The following LRP1B variants were observed in gnomAD, a reference collection of about 807,000 sequenced individuals.
LRP1B encodes the protein LDL receptor related protein 1B.
A neutral mutation model predicts 556.6 loss-of-function variants in LRP1B; 217 were observed. The observed-to-expected ratio is 0.39, with a 90% confidence interval of 0.35 to 0.44. LRP1B has a LOEUF of 0.44. Ranked by LOEUF, LRP1B falls within the 20% of genes least tolerant of loss-of-function variation. The pLI is 1.00. For synonymous variants in LRP1B, 2,047 were observed against 1,865.8 expected (o/e 1.10, Z -2.50); for missense variants, 5,053 against 5,620.8 (o/e 0.90, Z 3.23).
At chr2:140,556,822 C>T (rs921986255) in intron 43 of LRP1B, among the ~76,000 whole-genome samples, 1 of 151,688 alleles carries the variant, frequency 6.6e-6, no homozygotes, top group African/African-American at 2.4e-5. Context: ...GTTTACTTTA[C>T]TATAGAATTA....
At chr2:141,483,412 A>G (rs200342019) in intron 2 of LRP1B, among the ~76,000 whole-genome samples, 24,378 of 82,670 alleles carry the variant, frequency 0.29, 4,477 homozygotes, top group Non-Finnish European at 0.34. Context: ...GAATAGTGCC[A>G]CTATAAACAT....
At chr2:140,875,697 G>T (rs985663134) in intron 25 of LRP1B, among the ~76,000 whole-genome samples, 1 of 152,046 alleles carries the variant, frequency 6.6e-6, no homozygotes, top group Non-Finnish European at 1.5e-5. Flanking sequence ...TTTCCCTAAA[G>T]TCCAAAAATG....
chr2:140,444,739 T>C (rs949641112), intron 63 of LRP1B, 60 bp from the exon 64 acceptor site: 83 of 995,374 alleles, frequency 8.3e-5, no homozygotes, highest in Non-Finnish European at 8.9e-5. Flanking sequence ...TTCTTAAACA[T>C]AGAGTTTCTG....
chr2:141,435,933 A>ACTGGAAG (rs1680749222), intron 3 of LRP1B, among the ~76,000 whole-genome samples: 1 of 152,152 alleles, frequency 6.6e-6, no homozygotes, highest in Non-Finnish European at 1.5e-5. Context: ...TGGCCCCCAG[A>ACTGGAAG]CTGGAAGCTG....
chr2:140,701,791 C>G lies in LRP1B; in HGVS notation c.6357G>C (p.Thr2119=), dbSNP rs139951414. The change falls in exon 40 of 91, where the codon ACG becomes ACC. Residue 2119 remains threonine (T), a synonymous_variant. Coordinates refer to ENST00000389484, the MANE Select transcript of LRP1B (RefSeq NM_018557.3). The part of the protein sequence containing the change: ...RRGHKNDATE[T]ITMRTGLGVN... Reference sequence around the variant, plus strand: ...CTCCAAGGCCGGTTCTCATGGTTATCGTTTCTGTGGCATCATTCTTGTGGC... The same window carrying G: ...CTCCAAGGCCGGTTCTCATGGTTATGGTTTCTGTGGCATCATTCTTGTGGC... 6.2e-7 allele frequency: 1 copy of G among 1,613,144 alleles called. No individual in the cohort carries two copies. The highest frequency in any genetic ancestry group is 8.5e-7 in the Non-Finnish European group (1 of 1,179,394).
At chr2:140,855,814 C>T (rs765217362) in intron 27 of LRP1B, among the ~76,000 whole-genome samples, 4 of 151,984 alleles carry the variant, frequency 2.6e-5, no homozygotes, top group African/African-American at 9.7e-5. Flanking sequence ...GCCCACAGAG[C>T]GAGACTGTCT....
At chr2:142,042,811 T>A (rs1383104510) in intron 1 of LRP1B, among the ~76,000 whole-genome samples, 1 of 151,598 alleles carries the variant, frequency 6.6e-6, no homozygotes, top group Non-Finnish European at 1.5e-5. Context: ...CTTTTCCTTT[T>A]TACAGACACA....
At chr2:141,649,632 C>T (rs1017982474) in intron 2 of LRP1B, among the ~76,000 whole-genome samples, 2 of 152,076 alleles carry the variant, frequency 1.3e-5, no homozygotes, top group African/African-American at 4.8e-5. Context: ...GTGGAACAGG[C>T]GTAAACATGC....
At chr2:141,949,680 G>A (rs1701055218) in intron 1 of LRP1B, among the ~76,000 whole-genome samples, 1 of 152,144 alleles carries the variant, frequency 6.6e-6, no homozygotes, top group African/African-American at 2.4e-5. Context: ...AAGCCACCGT[G>A]CCTGGCCGAA....
chr2:140,507,232 G>GA (rs1689457361), intron 52 of LRP1B, among the ~76,000 whole-genome samples: 1 of 152,060 alleles, frequency 6.6e-6, no homozygotes, highest in Admixed American at 6.6e-5. Context: ...TCACATGTTA[G>GA]AAAAAATATC....
chr2:140,264,696 C>CTA (rs1490173196), intron 86 of LRP1B, among the ~76,000 whole-genome samples: 5 of 116,708 alleles, frequency 4.3e-5, no homozygotes, highest in Non-Finnish European at 7.0e-5. Flanking sequence ...AAAAAATTGT[C>CTA]TATATATGTG....
intron 1 of LRP1B, among the ~76,000 whole-genome samples, chr2:141,902,109 C>A (rs1246855210): frequency 6.6e-6 from 1 of 151,096 alleles, no homozygotes; most frequent in Non-Finnish European, 1.5e-5. Flanking sequence ...TTTATATAAT[C>A]AAATCAGTAC....
intron 43 of LRP1B, among the ~76,000 whole-genome samples, chr2:140,544,938 T>C (rs1337525552): frequency 1.3e-5 from 2 of 151,754 alleles, no homozygotes; most frequent in Admixed American, 6.6e-5. Context: ...TCTTTTTCTC[T>C]ACAACCTTGG....
chr2:141,316,465 A>G (rs1387259940), intron 3 of LRP1B, among the ~76,000 whole-genome samples: 2 of 152,202 alleles, frequency 1.3e-5, no homozygotes, highest in Non-Finnish European at 2.9e-5. Context: ...CTTTGAAGAA[A>G]TATTGTGTAA....
chr2:141,715,558 T>C (rs761798293), intron 2 of LRP1B, among the ~76,000 whole-genome samples: 1 of 152,148 alleles, frequency 6.6e-6, no homozygotes, highest in Non-Finnish European at 1.5e-5. Flanking sequence ...CTCACACCTG[T>C]AATCCCAGCG....
At chr2:140,322,233 CAA>C in intron 81 of LRP1B, 145 bp from the exon 82 acceptor site, 1 of 722,482 alleles carries the variant, frequency 1.4e-6, no homozygotes, top group Admixed American at 3.1e-5. Context: ...GTATCTCACT[CAA>C]TATCATCATT....
chr2:140,381,974 C>T (rs1056378505), intron 67 of LRP1B, among the ~76,000 whole-genome samples: 6 of 150,456 alleles, frequency 4.0e-5, no homozygotes, highest in Non-Finnish European at 8.9e-5. Flanking sequence ...AACCACAGAA[C>T]TGAAAAGAGC....
intron 3 of LRP1B, among the ~76,000 whole-genome samples, chr2:141,445,585 C>T (rs1038853534): frequency 5.3e-5 from 8 of 152,206 alleles, no homozygotes; most frequent in African/African-American, 1.7e-4. Flanking sequence ...CCTCTAAACA[C>T]TGTGTTAGCT....
chr2:141,490,549 A>G (rs1683294768), intron 2 of LRP1B, among the ~76,000 whole-genome samples: 1 of 152,152 alleles, frequency 6.6e-6, no homozygotes, highest in Non-Finnish European at 1.5e-5. Flanking sequence ...GCAAATAAAA[A>G]ATATTGTGTG....
Sources: gnomAD v4.1 joint callset for allele counts (sites outside exome capture counted in the v4.1 genomes callset) on GRCh38, gnomAD v4.1.1 for gene constraint, MANE v1.5 for transcripts, NCBI Gene and HGNC (gene_info 2026-07-23, HGNC 2026-07-21) for gene names.